Variants in NEURL1B observed in about 807,000 individuals in gnomAD.
NEURL1B encodes the protein neuralized E3 ubiquitin protein ligase 1B, also known as E3 ubiquitin-protein ligase NEURL1B.
Under a neutral mutation model 37.4 loss-of-function variants are expected in NEURL1B, and 13 were observed. The ratio of observed to expected loss-of-function variants is 0.35; its 90% CI spans 0.23 to 0.55. NEURL1B has a LOEUF of 0.55. Ranked by LOEUF, NEURL1B falls within the 20% of genes least tolerant of loss-of-function variation. The pLI is 0.89. For missense variants in NEURL1B, 790 were observed against 879.2 expected (o/e 0.90, Z 1.28); for synonymous variants, 432 against 426.6 (o/e 1.01, Z -0.16).
chr5:172,668,174 T>G (rs1758050847), intron 1 of NEURL1B, among the ~76,000 whole-genome samples: 1 of 152,108 alleles, frequency 6.6e-6, no homozygotes, highest in Non-Finnish European at 1.5e-5. Context: ...CTTTGCCCAC[T>G]GGAACGTCAG....
intron 1 of NEURL1B, among the ~76,000 whole-genome samples, chr5:172,651,146 A>C (rs1400344077): frequency 1.3e-5 from 2 of 152,240 alleles, no homozygotes; most frequent in Non-Finnish European, 2.9e-5. Flanking sequence ...TAGAACTCAT[A>C]TCTAACAACT....
intron 2 of NEURL1B, among the ~76,000 whole-genome samples, chr5:172,680,711 T>G (rs1390916764): frequency 6.6e-6 from 1 of 152,234 alleles, no homozygotes; most frequent in Non-Finnish European, 1.5e-5. Context: ...TTCTATATTT[T>G]TCCTATGAAT....
chr5:172,682,187 CTA>C (rs1758366505), intron 2 of NEURL1B, among the ~76,000 whole-genome samples: 1 of 152,232 alleles, frequency 6.6e-6, no homozygotes, highest in South Asian at 2.1e-4. Flanking sequence ...ATGATAAACA[CTA>C]TTTTTGCTTT....
At chr5:172,644,855 G>C (rs1481198353) in intron 1 of NEURL1B, among the ~76,000 whole-genome samples, 1 of 152,190 alleles carries the variant, frequency 6.6e-6, no homozygotes, top group African/African-American at 2.4e-5. Flanking sequence ...GGATAGGGGA[G>C]GGCAGCGTTC....
rs1758555335 is a variant in NEURL1B at position 172,688,308 on chromosome 5, C to G, written c.*1383C>G. 6.5e-6 allele frequency: 1 copy of G among 152,764 alleles called. No individual in the cohort carries two copies. Among genetic ancestry groups the G allele is most frequent in the Admixed American group, 6.5e-5 (1 of 15,290 alleles). 9.5% of individuals were successfully genotyped at this position (152,764 alleles called of 1,614,324 possible). On this transcript the variant is annotated 3_prime_UTR_variant, in exon 5 of 5. Transcript: ENST00000369800. The surrounding 1 kb of genome is among the most constrained non-coding windows in gnomAD (Gnocchi z 4.3). ...CAGTTCCCAATTAGAAGTCTAGAAC[C>G]TGACAACTCCAGGAGTTCTTGGGAG... is the stretch of plus-strand genomic sequence containing the variant.
chr5:172,651,670 C>T (rs1283409537), intron 1 of NEURL1B, among the ~76,000 whole-genome samples: 1 of 152,228 alleles, frequency 6.6e-6, no homozygotes, highest in Non-Finnish European at 1.5e-5. Flanking sequence ...ATTTCTTTAA[C>T]AGCATCTCCA....
chr5:172,671,386 A>G (rs1758127032), intron 2 of NEURL1B, among the ~76,000 whole-genome samples: 1 of 152,220 alleles, frequency 6.6e-6, no homozygotes, highest in Non-Finnish European at 1.5e-5. Flanking sequence ...GTTGAAATGC[A>G]TGGATCTAAA....
chr5:172,670,598 C>T (rs944285986), intron 2 of NEURL1B, among the ~76,000 whole-genome samples: 1 of 152,244 alleles, frequency 6.6e-6, no homozygotes, highest in African/African-American at 2.4e-5. Flanking sequence ...TGCTCTGGCC[C>T]AGGTTCATTC....
intron 2 of NEURL1B, among the ~76,000 whole-genome samples, chr5:172,677,259 T>C (rs1245528828): frequency 6.6e-6 from 1 of 152,142 alleles, no homozygotes; most frequent in Non-Finnish European, 1.5e-5. Context: ...ATCATTTGCA[T>C]GGCAGGGTGT....
chr5:172,651,577 C>T (rs761863599), intron 1 of NEURL1B, among the ~76,000 whole-genome samples: 3 of 152,214 alleles, frequency 2.0e-5, no homozygotes, highest in Admixed American at 1.3e-4. Flanking sequence ...AATCATGACG[C>T]AAACTCTTCC....
Position 172,665,332 on chromosome 5 carries a change from A to G in NEURL1B, c.32-4453A>G, listed in dbSNP as rs1242071206. 6.6e-6 allele frequency among the ~76,000 whole-genome samples: 1 copy of G among 152,122 alleles called. No homozygotes were observed. Among genetic ancestry groups the G allele is most frequent in the African/African-American group, 2.4e-5 (1 of 41,418 alleles). On this transcript the variant is annotated intron_variant, in intron 1 of 4. Transcript: ENST00000369800. This position sits in a 1 kb window ranked among gnomAD's most constrained non-coding sequence, Gnocchi z 4.1. ...CACAGGCTTCTGCTGTCCCTGAGCTATCTCTGCCGATGGTCTGCACCCGGG... is the reference window on the plus strand; with the variant it reads ...CACAGGCTTCTGCTGTCCCTGAGCTGTCTCTGCCGATGGTCTGCACCCGGG...
intron 1 of NEURL1B, among the ~76,000 whole-genome samples, chr5:172,651,501 C>T (rs1172279037): frequency 1.3e-5 from 2 of 152,190 alleles, no homozygotes; most frequent in African/African-American, 4.8e-5. Context: ...TCAGACCTTG[C>T]AATGCCTTTG....
At position 172,683,308 on chromosome 5, in the gene NEURL1B, G is replaced by A. The variant is rs11959055; in HGVS notation, c.578-111G>A. 1.7e-6 allele frequency: 2 copies of A among 1,209,280 alleles called. No homozygotes were observed. The highest frequency in any genetic ancestry group is 4.3e-5 in the Admixed American group (1 of 23,480). The allele number at this position is 1,209,280 out of a possible 1,614,324, so 74.9% of individuals were successfully genotyped here. A position where few individuals can be genotyped will look rare whatever the true frequency, so the allele number is the denominator to read the frequency against. On this transcript the variant is annotated intron_variant, in intron 2 of 4. Transcript: ENST00000369800. The surrounding 1 kb of genome is among the most constrained non-coding windows in gnomAD (Gnocchi z 5.6). The stretch of plus-strand genomic sequence containing the variant: ...AGCCGGGGTGGGGTGGGGGCTGCTC[G>A]AGGCCCGGGTCGGTCGTGGAGGCCT...
chr5:172,650,910 C>T (rs879321684), intron 1 of NEURL1B, among the ~76,000 whole-genome samples: 18 of 152,054 alleles, frequency 1.2e-4, no homozygotes, highest in Non-Finnish European at 2.2e-4. Flanking sequence ...GAGCAGGTAG[C>T]AGGTAATCGG....
In NEURL1B at chr5:172,686,193, G is replaced by A. The variant is rs1282585356; in HGVS notation, c.1320G>A (p.Ala440=). ...RLLGTLQSSP[A]TTTPSGSLSG... Reference sequence around the variant, plus strand: ...CAGGTACCCTGCAGTCCAGCCCTGCGACCACGACTCCATCAGGGTCCCTCA... The same window carrying A: ...CAGGTACCCTGCAGTCCAGCCCTGCAACCACGACTCCATCAGGGTCCCTCA... The change falls in exon 4 of 5, where the codon GCG becomes GCA. Residue 440 remains alanine (A), a synonymous_variant. Coordinates refer to ENST00000369800, the MANE Select transcript of NEURL1B (RefSeq NM_001142651.3). The surrounding 1 kb of genome is among the most constrained non-coding windows in gnomAD (Gnocchi z 7.9). 5 of 1,551,656 alleles carry A rather than the reference G, an allele frequency of 3.2e-6. No homozygotes were observed. The highest frequency in any genetic ancestry group is 2.4e-5 in the East Asian group (1 of 40,910).
intron 3 of NEURL1B, 74 bp downstream of exon 3, chr5:172,684,212 T>G: frequency 8.9e-7 from 1 of 1,124,826 alleles, no homozygotes; most frequent in Non-Finnish European, 1.1e-6. Flanking sequence ...GCTGCGCTCT[T>G]CCCCGGCCCC....
chr5:172,686,920 C>T lies in NEURL1B; in HGVS notation c.1663C>T (p.Pro555Ser), dbSNP rs1326217814. The change falls in exon 5 of 5, where the codon CCA (proline) becomes TCA (serine). Residue 555 changes from proline (P) to serine (S), a missense_variant. By Grantham distance (74) the Pro-to-Ser change is moderately conservative. Transcript: ENST00000369800. The surrounding 1 kb of genome is among the most constrained non-coding windows in gnomAD (Gnocchi z 7.9). The part of the protein sequence containing the change: ...PIKDVIKIYR[P>S] The stretch of plus-strand genomic sequence containing the variant: ...CAAGGACGTCATTAAGATCTACAGG[C>T]CATAGCCTAGCCTGCCCACGGGCCT... 22 of 1,545,134 alleles carry T rather than the reference C, an allele frequency of 1.4e-5. No individual in the cohort carries two copies. Among genetic ancestry groups the T allele is most frequent in the South Asian group, 9.5e-5 (8 of 83,942 alleles).
At chr5:172,672,610 A>T (rs1013797946) in intron 2 of NEURL1B, among the ~76,000 whole-genome samples, 1 of 143,774 alleles carries the variant, frequency 7.0e-6, no homozygotes, top group Non-Finnish European at 1.5e-5. Context: ...AGGAAGGGAG[A>T]GGTAGAGTCT....
At chr5:172,680,419 C>G (rs916628147) in intron 2 of NEURL1B, among the ~76,000 whole-genome samples, 2 of 149,834 alleles carry the variant, frequency 1.3e-5, no homozygotes, top group African/African-American at 2.5e-5. Flanking sequence ...GGAGAGTTGG[C>G]GGGGGGGAAG....
Sources: gnomAD v4.1 joint callset for allele counts (sites outside exome capture counted in the v4.1 genomes callset) on GRCh38, gnomAD v4.1.1 for gene constraint, Gnocchi (gnomAD v3.1) non-coding constraint, MANE v1.5 for transcripts, NCBI Gene and HGNC (gene_info 2026-07-23, HGNC 2026-07-21) for gene names.